FRMD5: variants seen among roughly 807,000 people sequenced by gnomAD.
FRMD5 encodes FERM domain-containing protein 5.
FRMD5 carries 20 observed loss-of-function variants against 69.0 expected under a neutral mutation model. The ratio of observed to expected loss-of-function variants is 0.29; its 90% CI spans 0.20 to 0.42. FRMD5 has a LOEUF of 0.42. Among genes scored for constraint, FRMD5 ranks in the 10% least tolerant of loss-of-function variants. FRMD5 has a pLI of 1.00. For synonymous variants in FRMD5, 271 were observed against 260.1 expected, an observed-to-expected ratio of 1.04 and a Z score of -0.40; for missense variants, 595 against 708.6, an observed-to-expected ratio of 0.84 and a Z score of 1.82.
intron 1 of FRMD5, among the ~76,000 whole-genome samples, chr15:44,044,248 G>A (rs974616885): frequency 1.3e-5 from 2 of 152,090 alleles, no homozygotes; most frequent in African/African-American, 4.8e-5. Flanking sequence ...TTAGAATGGC[G>A]ATCATTAAAA....
chr15:43,979,237 C>A (rs1012418889), intron 1 of FRMD5, among the ~76,000 whole-genome samples: 1 of 151,684 alleles, frequency 6.6e-6, no homozygotes, highest in Non-Finnish European at 1.5e-5. Flanking sequence ...ACTCAGGAGG[C>A]TGAGGCAGAA....
At chr15:44,119,393 G>A (rs2076915142) in intron 1 of FRMD5, among the ~76,000 whole-genome samples, 1 of 152,100 alleles carries the variant, frequency 6.6e-6, no homozygotes, top group Non-Finnish European at 1.5e-5. Context: ...ACTTCGAGAC[G>A]TACAGTGACA....
At chr15:43,955,443 G>C (rs918216620) in intron 1 of FRMD5, among the ~76,000 whole-genome samples, 4 of 152,294 alleles carry the variant, frequency 2.6e-5, no homozygotes, top group African/African-American at 7.2e-5. Flanking sequence ...CTCAGCATTT[G>C]GCCAATAAAA....
intron 1 of FRMD5, among the ~76,000 whole-genome samples, chr15:43,937,728 C>G (rs1054884219): frequency 1.3e-5 from 2 of 151,446 alleles, no homozygotes; most frequent in East Asian, 1.9e-4. Context: ...GAGGGAGAAG[C>G]TGAGCTGCCA....
intron 5 of FRMD5, among the ~76,000 whole-genome samples, chr15:43,908,590 C>A (rs190666217): frequency 6.6e-6 from 1 of 152,112 alleles, no homozygotes; most frequent in Non-Finnish European, 1.5e-5. Context: ...TTTGGGGAAA[C>A]TTCATGATTT....
chr15:44,176,944 A>G (rs2077907206), intron 1 of FRMD5, among the ~76,000 whole-genome samples: 1 of 144,318 alleles, frequency 6.9e-6, no homozygotes, highest in African/African-American at 2.6e-5. Flanking sequence ...TAATAAAAAA[A>G]AGAAAGTTCA....
At chr15:44,037,545 G>A (rs1431168239) in intron 1 of FRMD5, among the ~76,000 whole-genome samples, 10 of 146,998 alleles carry the variant, frequency 6.8e-5, no homozygotes, top group African/African-American at 2.5e-4. Context: ...TCAGCTCACT[G>A]CAACCTCTGC....
In FRMD5 at chr15:44,161,280, T is replaced by C. The variant is rs552977866; in HGVS notation, c.102+33673A>G. 7.2e-4 allele frequency among the ~76,000 whole-genome samples: 109 copies of C among 152,348 alleles called. 2 individuals are homozygous for C. In the South Asian group the frequency reaches 0.022, roughly 31 times the overall value. ...GCTGCTTCCTCCAGAAAGTCTTCTC[T>C]AACCATGCTCATCTTGAGTCAAGTG... On this transcript the variant is annotated intron_variant, in intron 1 of 13. Transcript: ENST00000417257.
At chr15:43,935,853 G>A (rs546038199) in intron 1 of FRMD5, among the ~76,000 whole-genome samples, 1 of 152,278 alleles carries the variant, frequency 6.6e-6, no homozygotes, top group African/African-American at 2.4e-5. Context: ...TTATTTGAAG[G>A]CCAAAAAGTG....
chr15:44,055,221 A>AAGT (rs768654446), intron 1 of FRMD5, among the ~76,000 whole-genome samples: 29 of 152,078 alleles, frequency 1.9e-4, no homozygotes, highest in Non-Finnish European at 1.2e-4. Context: ...GCTGGGGTGG[A>AAGT]AGTTGTTTGT....
At chr15:44,167,567 CT>C (rs2077730949) in intron 1 of FRMD5, among the ~76,000 whole-genome samples, 1 of 151,932 alleles carries the variant, frequency 6.6e-6, no homozygotes, top group Non-Finnish European at 1.5e-5. Context: ...ATCCTAAACA[CT>C]TTAGTGAGGC....
At chr15:43,909,397 C>T (rs1297515167) in intron 5 of FRMD5, among the ~76,000 whole-genome samples, 1 of 151,066 alleles carries the variant, frequency 6.6e-6, no homozygotes, top group Non-Finnish European at 1.5e-5. Flanking sequence ...AAGACTCCAT[C>T]TCAAAAAAAA....
intron 1 of FRMD5, among the ~76,000 whole-genome samples, chr15:44,057,132 G>A (rs953120920): frequency 1.1e-5 from 1 of 90,426 alleles, no homozygotes; most frequent in Non-Finnish European, 2.3e-5. Context: ...CTTATGAACT[G>A]TTCTATTTTT....
chr15:43,947,389 C>T (rs2140502237), intron 1 of FRMD5, among the ~76,000 whole-genome samples: 1 of 152,312 alleles, frequency 6.6e-6, no homozygotes, highest in East Asian at 1.9e-4. Context: ...CAATTTCATG[C>T]TGATAACTTT....
At chr15:44,187,842 T>C (rs1449824788) in intron 1 of FRMD5, among the ~76,000 whole-genome samples, 1 of 152,188 alleles carries the variant, frequency 6.6e-6, no homozygotes, top group Non-Finnish European at 1.5e-5. Context: ...GCACTGAGAT[T>C]ATAGGCATAA....
intron 1 of FRMD5, among the ~76,000 whole-genome samples, chr15:44,067,680 C>T (rs562276038): frequency 6.2e-4 from 94 of 152,226 alleles, no homozygotes; most frequent in African/African-American, 2.1e-3. Flanking sequence ...GACCTAATCA[C>T]GCCTAAAGGC....
intron 1 of FRMD5, among the ~76,000 whole-genome samples, chr15:44,048,190 G>A (rs1240424784): frequency 6.6e-6 from 1 of 152,132 alleles, no homozygotes; most frequent in Admixed American, 6.5e-5. Context: ...CAGCAGTATA[G>A]GAGGGTTCTA....
At chr15:43,987,695 A>C (rs1889463986) in intron 1 of FRMD5, among the ~76,000 whole-genome samples, 1 of 151,988 alleles carries the variant, frequency 6.6e-6, no homozygotes. Flanking sequence ...GACTATAGGC[A>C]TGCATCACCA....
chr15:43,976,342 C>T (rs763723089), intron 1 of FRMD5, among the ~76,000 whole-genome samples: 3 of 152,038 alleles, frequency 2.0e-5, no homozygotes, highest in Non-Finnish European at 2.9e-5. Flanking sequence ...GTTGAGAGAA[C>T]GACATGACAT....
Sources: gnomAD v4.1 joint callset for allele counts (sites outside exome capture counted in the v4.1 genomes callset) on GRCh38, gnomAD v4.1.1 for gene constraint, MANE v1.5 for transcripts, NCBI Gene and HGNC (gene_info 2026-07-23, HGNC 2026-07-21) for gene names.